Variants in AXIN2 observed in about 807,000 individuals in gnomAD.
AXIN2 encodes axin-2.
Under a neutral mutation model 74.7 loss-of-function variants are expected in AXIN2, and 21 were observed. That is an observed-to-expected ratio of 0.28 (90% CI 0.20 to 0.40). The LOEUF is 0.40. Ranked by LOEUF, AXIN2 falls within the 10% of genes least tolerant of loss-of-function variation. The probability of loss-of-function intolerance (pLI) is 1.00; values close to 1 mark genes in which losing one functional copy is unlikely to be tolerated. For synonymous variants in AXIN2, 532 were observed against 454.9 expected, an observed-to-expected ratio of 1.17 and a Z score of -2.16; for missense variants, 1,144 against 1,111.1, an observed-to-expected ratio of 1.03 and a Z score of -0.42.
chr17:65,530,976 TA>T (rs1206321154), intron 10 of AXIN2, among the ~76,000 whole-genome samples: 1 of 151,968 alleles, frequency 6.6e-6, no homozygotes, highest in African/African-American at 2.4e-5. Flanking sequence ...GGCCCACCCC[TA>T]AACCCCTTCC....
chr17:65,533,004 G>T (rs536745633), intron 10 of AXIN2, among the ~76,000 whole-genome samples: 4 of 152,342 alleles, frequency 2.6e-5, no homozygotes, highest in South Asian at 4.1e-4. Context: ...GCAGGCCATG[G>T]AGAGGGGCAA....
chr17:65,537,870 A>T (rs941268185), intron 5 of AXIN2, 35 bp from the exon 6 acceptor site: 1 of 1,511,056 alleles, frequency 6.6e-7, no homozygotes, highest in Non-Finnish European at 8.9e-7. Context: ...GAAGTGACCC[A>T]GGAAGCAGAA....
chr17:65,547,659 G>T (rs761213802), intron 3 of AXIN2, among the ~76,000 whole-genome samples: 1 of 152,208 alleles, frequency 6.6e-6, no homozygotes, highest in Admixed American at 6.5e-5. Flanking sequence ...ATCGTCTGAC[G>T]TAAACTGCAT....
chr17:65,538,241 G>A lies in AXIN2; in HGVS notation c.1162C>T (p.Arg388Cys), dbSNP rs886053273. Residue 388 changes from arginine to cysteine, a missense_variant, in exon 5 of 11, where the codon CGC becomes TGC. Physicochemically the swap from Arg to Cys is radical, Grantham distance 180. This residue lies in a region of AXIN2 where 1,053 missense variants were observed against 973.5 expected (regional missense o/e 1.08). Transcript: ENST00000307078. The part of the protein sequence containing the change: ...LEKLKLELES[R>C]HSLEERLQQI... ...TGCAGGCGCTCCTCCAGGCTGTGGC[G>A]GCTCTCCAACTCCAGCTTCAGCTTT... 6.2e-7 allele frequency: 1 copy of A among 1,614,186 alleles called. No individual in the cohort carries two copies. Among genetic ancestry groups the A allele is most frequent in the Non-Finnish European group, 8.5e-7 (1 of 1,180,038 alleles).
rs758310996 is a variant in AXIN2, at chr17:65,536,976, G to A, written c.1800C>T (p.Pro600=). ...LALPAREGGA[P]GGAGALQLPR... is the part of the protein sequence containing the mutation. ...GAAGCTGCAGGGCCCCAGCTCCGCC[G>A]GGGGCCCCTCCTTCCCTGGCGGGCA... Residue 600 remains proline, a synonymous_variant, in exon 7 of 11, where the codon CCC becomes CCT. Coordinates refer to ENST00000307078, the MANE Select transcript of AXIN2 (RefSeq NM_004655.4). 29 of 1,612,492 alleles carry A rather than the reference G, an allele frequency of 1.8e-5. No homozygotes were observed. The East Asian group carries it at 4.7e-4, about 26-fold the overall frequency.
rs924955916 is a variant in AXIN2, at chr17:65,558,689, GTC to G, written c.-71_-70del. The stretch of plus-strand genomic sequence containing the variant: ...CCAGTTCCTCTCAGCAATCGGCGTG[GTC>G]TCTCTGTCTCTCTCAAGTCAGCAGG... On this transcript the variant is annotated 5_prime_UTR_variant, in exon 2 of 11. Coordinates refer to ENST00000307078, the MANE Select transcript of AXIN2 (RefSeq NM_004655.4). The G allele has an allele frequency of 5.5e-6, 8 of 1,455,260 alleles. No homozygotes were observed. The Admixed American group carries it at 7.7e-5, about 14-fold the overall frequency. 90.1% of individuals were successfully genotyped at this position (1,455,260 alleles called of 1,614,324 possible).
chr17:65,541,608 C>T (rs1456833430), intron 3 of AXIN2, 51 bp from the exon 4 acceptor site: 2 of 1,456,982 alleles, frequency 1.4e-6, no homozygotes, highest in Non-Finnish European at 1.9e-6. Flanking sequence ...ATGTTTTCAG[C>T]ACATCACATG....
intron 10 of AXIN2, among the ~76,000 whole-genome samples, chr17:65,531,669 G>C (rs968437033): frequency 4.6e-5 from 7 of 152,092 alleles, no homozygotes; most frequent in Admixed American, 2.0e-4. Flanking sequence ...AGAGGAGAGA[G>C]GCCACATTCT....
chr17:65,531,972 G>A (rs1310344188), intron 10 of AXIN2, among the ~76,000 whole-genome samples: 1 of 151,552 alleles, frequency 6.6e-6, no homozygotes, highest in Admixed American at 6.6e-5. Context: ...AAATTGAGAT[G>A]TTGAAGCACC....
At chr17:65,551,592 C>T (rs928243986) in intron 2 of AXIN2, among the ~76,000 whole-genome samples, 10 of 152,120 alleles carry the variant, frequency 6.6e-5, no homozygotes, top group African/African-American at 2.4e-4. Flanking sequence ...GCCACCGCCA[C>T]AATTTGGTGT....
In AXIN2 at chr17:65,530,252, G is replaced by A. The variant is rs958838601; in HGVS notation, c.2406-150C>T. 16 of 1,095,100 alleles carry A rather than the reference G, an allele frequency of 1.5e-5. No individual in the cohort carries two copies. In the African/African-American group the frequency reaches 1.7e-4, roughly 12 times the overall value. 67.8% of individuals were successfully genotyped at this position (1,095,100 alleles called of 1,614,324 possible). A position where few individuals can be genotyped will look rare whatever the true frequency, so the allele number is the denominator to read the frequency against. ...CTGTTGCGCACATCTGCTTTAAGAC[G>A]GCAGCTGGGACTGGCCACACCACAA... On this transcript the variant is annotated intron_variant, in intron 10 of 10. Transcript: ENST00000307078.
At chr17:65,555,837 TC>T (rs1277891025) in intron 2 of AXIN2, among the ~76,000 whole-genome samples, 1 of 152,096 alleles carries the variant, frequency 6.6e-6, no homozygotes, top group Non-Finnish European at 1.5e-5. Flanking sequence ...TCTGGCTATG[TC>T]TTAAATTCTC....
At chr17:65,543,035 A>G (rs2044065525) in intron 3 of AXIN2, among the ~76,000 whole-genome samples, 1 of 152,244 alleles carries the variant, frequency 6.6e-6, no homozygotes, top group East Asian at 1.9e-4. Flanking sequence ...ACAGGAACAC[A>G]AGGGACAATG....
chr17:65,533,934 G>C lies in AXIN2; in HGVS notation c.2383C>G (p.Leu795Val), dbSNP rs2043865311. 1 of 1,614,038 alleles carries C rather than the reference G, an allele frequency of 6.2e-7. No individual in the cohort carries two copies. The highest frequency in any genetic ancestry group is 1.7e-5 in the Admixed American group (1 of 60,010). Residue 795 changes from leucine to valine, a missense_variant, in exon 10 of 11, where the codon CTC (leucine) becomes GTC (valine). Coordinates refer to ENST00000307078, the MANE Select transcript of AXIN2 (RefSeq NM_004655.4). ...TACCTATAATTTCCCTTTTTGCTGA[G>C]CTGCTCTTTAAAGTGGCCCAGGGTC... ...SLTLGHFKEQLSKKGNYRYYF... is the reference protein window; with the variant it reads ...SLTLGHFKEQVSKKGNYRYYF...
intron 3 of AXIN2, 62 bp from the exon 4 acceptor site, chr17:65,541,619 G>T: frequency 4.4e-6 from 6 of 1,352,514 alleles, no homozygotes; most frequent in Non-Finnish European, 6.4e-6. Flanking sequence ...ACATCACATG[G>T]GCTACTGTCA....
chr17:65,542,201 C>T (rs528083841), intron 3 of AXIN2, among the ~76,000 whole-genome samples: 2 of 152,172 alleles, frequency 1.3e-5, no homozygotes, highest in Non-Finnish European at 2.9e-5. Flanking sequence ...AATGAATTTT[C>T]AAAGACACAT....
chr17:65,539,442 AG>A (rs1354285575), intron 4 of AXIN2, among the ~76,000 whole-genome samples: 1 of 152,200 alleles, frequency 6.6e-6, no homozygotes, highest in Non-Finnish European at 1.5e-5. Flanking sequence ...TGCCTGATGG[AG>A]AAAGTCGATT....
chr17:65,547,382 G>C (rs1396206258), intron 3 of AXIN2, among the ~76,000 whole-genome samples: 1 of 152,252 alleles, frequency 6.6e-6, no homozygotes, highest in Non-Finnish European at 1.5e-5. Context: ...TACAGGGCCT[G>C]TGTCTGGCCT....
Position 65,549,572 on chromosome 17 carries a change from T to A in AXIN2, c.904A>T (p.Ile302Leu), listed in dbSNP as rs2044163087. 1 of 1,610,664 alleles carries A rather than the reference T, an allele frequency of 6.2e-7. No homozygotes were observed. The highest frequency in any genetic ancestry group is 8.5e-7 in the Non-Finnish European group (1 of 1,178,448). ...TCATCCGTCAGCGCATCACTGGATA[T>A]CTCACTGTCGTTGGCGCTGGTGGCT... Reference protein sequence around the residue: ...APATSANDSEISSDALTDDSM... With the variant: ...APATSANDSELSSDALTDDSM... The change falls in exon 3 of 11, where the codon ATA (isoleucine) becomes TTA (leucine). Residue 302 changes from isoleucine (I) to leucine (L), a missense_variant. By Grantham distance (5) the Ile-to-Leu change is conservative. Transcript: ENST00000307078.
Sources: gnomAD v4.1 joint callset for allele counts (sites outside exome capture counted in the v4.1 genomes callset) on GRCh38, gnomAD v4.1.1 for gene constraint, gnomAD v4.1.1 regional missense constraint, MANE v1.5 for transcripts, NCBI Gene and HGNC (gene_info 2026-07-23, HGNC 2026-07-21) for gene names.